OCIAD1: variants seen among roughly 807,000 people sequenced by gnomAD.
The protein encoded by OCIAD1 is OCIA domain containing 1, also known as OCIA domain-containing protein 1.
In OCIAD1, 29 loss-of-function variants were observed where a neutral mutation model predicts 38.9. That is an observed-to-expected ratio of 0.74 (90% CI 0.55 to 1.02). OCIAD1 has a LOEUF of 1.02. Ranked by LOEUF, OCIAD1 falls within the 50% of genes least tolerant of loss-of-function variation. The pLI is 0.00. For synonymous variants in OCIAD1, 110 were observed against 92.0 expected (o/e 1.20, Z -1.12); for missense variants, 288 against 289.6 (o/e 0.99, Z 0.04).
At chr4:48,816,105 C>A (rs116221259) in intron 1 of OCIAD1, among the ~76,000 whole-genome samples, 93 of 152,314 alleles carry the variant, frequency 6.1e-4, no homozygotes, top group African/African-American at 2.2e-3. Flanking sequence ...TCATTACCTT[C>A]TTCCTGCTAG....
intron 4 of OCIAD1, 31 bp downstream of exon 4, chr4:48,842,720 A>G: frequency 8.5e-7 from 1 of 1,176,000 alleles, no homozygotes; most frequent in Non-Finnish European, 1.2e-6. Context: ...TTTATTTAGC[A>G]TTTTGGATAC....
chr4:48,812,370 G>T (rs1177405709), intron 1 of OCIAD1, among the ~76,000 whole-genome samples: 2 of 141,034 alleles, frequency 1.4e-5, no homozygotes, highest in African/African-American at 2.6e-5. Flanking sequence ...TTAAAGCCTT[G>T]ACACCAGAGG....
intron 3 of OCIAD1, among the ~76,000 whole-genome samples, chr4:48,837,504 G>T (rs1157440172): frequency 1.3e-5 from 2 of 151,880 alleles, no homozygotes; most frequent in East Asian, 3.9e-4. Flanking sequence ...TGTTGGCCAG[G>T]CTGGTCTCGA....
intron 7 of OCIAD1, chr4:48,856,048 G>A (rs562286820): frequency 3.3e-5 from 5 of 151,948 alleles, no homozygotes; most frequent in African/African-American, 1.2e-4. Context: ...GACTTTGTAA[G>A]TTAAGTAGTT....
rs531746900 is a variant in OCIAD1, at chr4:48,813,578, G to A, written c.-103+8248G>A. ...CTGAGATGGGAGGCTCACTTGAGCCGGGGAGGTGGAGGTTGCAGTGAACTG... is the reference window on the plus strand; with the variant it reads ...CTGAGATGGGAGGCTCACTTGAGCCAGGGAGGTGGAGGTTGCAGTGAACTG... On this transcript the variant is annotated intron_variant, in intron 1 of 6. Coordinates refer to the OCIAD1 transcript ENST00000504654. Among the ~76,000 whole-genome samples, 44 of 152,296 alleles carry A rather than the reference G, an allele frequency of 2.9e-4. 1 individual carries two copies. The highest frequency in any genetic ancestry group is 1.7e-3 in the Admixed American group (26 of 15,294).
chr4:48,833,628 A>C, intron 3 of OCIAD1, 147 bp downstream of exon 3: 1 of 573,102 alleles, frequency 1.7e-6, no homozygotes, highest in East Asian at 2.9e-5. Flanking sequence ...AAAGAGATTA[A>C]GGAGATAAAG....
intron 3 of OCIAD1, among the ~76,000 whole-genome samples, chr4:48,842,187 T>A (rs1214341674): frequency 1.3e-5 from 2 of 152,238 alleles, no homozygotes; most frequent in Non-Finnish European, 2.9e-5. Context: ...ATAAAAAGTA[T>A]AATAAATGAG....
rs1358225598 is a variant in OCIAD1, at chr4:48,819,797, TAAA to T, written c.-102-10775_-102-10773del. On this transcript the variant is annotated intron_variant, in intron 1 of 6. Coordinates refer to the OCIAD1 transcript ENST00000504654. ...AAAACAGACTTTAAACCAACAAAGA[TAAA>T]AAAAGACAAAGAAGGGCATTACATT... Among the ~76,000 whole-genome samples the T allele has an allele frequency of 7.1e-5, 5 of 70,100 alleles. No homozygotes were observed. The East Asian group carries it at 1.7e-3, about 24-fold the overall frequency. 46.0% of individuals were successfully genotyped at this position (70,100 alleles called of 152,430 possible). A position where few individuals can be genotyped will look rare whatever the true frequency, so the allele number is the denominator to read the frequency against.
Position 48,861,339 on chromosome 4 carries a change from TAAAG to T in OCIAD1, c.*578_*581del, listed in dbSNP as rs1560447240. On this transcript the variant is annotated 3_prime_UTR_variant, in exon 9 of 9. Transcript: ENST00000264312. The stretch of plus-strand genomic sequence containing the variant: ...GTTATAATCATGTAGGTATAGGAAA[TAAAG>T]TCATCTATAATATTTCTATAATATG... 2.0e-5 allele frequency: 3 copies of T among 152,174 alleles called. No individual in the cohort carries two copies. The highest frequency in any genetic ancestry group is 7.2e-5 in the African/African-American group (3 of 41,412). 9.4% of individuals were successfully genotyped at this position (152,174 alleles called of 1,614,324 possible).
chr4:48,823,247 G>C (rs1455312355), intron 1 of OCIAD1, among the ~76,000 whole-genome samples: 1 of 152,164 alleles, frequency 6.6e-6, no homozygotes, highest in Non-Finnish European at 1.5e-5. Flanking sequence ...GCAGGTACAT[G>C]GTTGAAGCTG....
intron 2 of OCIAD1, 51 bp downstream of exon 2, chr4:48,832,733 A>AT: frequency 1.5e-6 from 2 of 1,354,792 alleles, no homozygotes; most frequent in Non-Finnish European, 2.1e-6. Context: ...ATGTAAAGGA[A>AT]TTTTCACTGC....
chr4:48,821,717 T>C (rs1777196628), intron 1 of OCIAD1, among the ~76,000 whole-genome samples: 2 of 152,182 alleles, frequency 1.3e-5, no homozygotes, highest in African/African-American at 2.4e-5. Flanking sequence ...AAAATCAATG[T>C]GCAAAAATCA....
chr4:48,853,032 A>G (rs1269497214), intron 7 of OCIAD1, among the ~76,000 whole-genome samples: 1 of 151,572 alleles, frequency 6.6e-6, no homozygotes, highest in East Asian at 1.9e-4. Context: ...GGTGCCCGCC[A>G]CCACGCTCGG....
At chr4:48,824,633 T>A (rs1777230576) in intron 1 of OCIAD1, among the ~76,000 whole-genome samples, 1 of 152,114 alleles carries the variant, frequency 6.6e-6, no homozygotes, top group African/African-American at 2.4e-5. Context: ...GCGATCCTCC[T>A]GCCTTGGCCA....
chr4:48,805,677 C>G (rs1164555541), intron 1 of OCIAD1, among the ~76,000 whole-genome samples: 1 of 150,304 alleles, frequency 6.7e-6, no homozygotes, highest in South Asian at 2.1e-4. Flanking sequence ...GAGCAAGACC[C>G]CCATCTCTTA....
chr4:48,857,843 C>T (rs1780210005), intron 8 of OCIAD1, among the ~76,000 whole-genome samples: 1 of 152,056 alleles, frequency 6.6e-6, no homozygotes, highest in South Asian at 2.1e-4. Context: ...TTCCAAAGGC[C>T]ATTTTGTGTT....
intron 6 of OCIAD1, among the ~76,000 whole-genome samples, chr4:48,851,390 T>A (rs1376616108): frequency 6.6e-6 from 1 of 152,232 alleles, no homozygotes; most frequent in East Asian, 1.9e-4. Context: ...AATAACTGCG[T>A]TAAAAATTAT....
At chr4:48,827,070 G>T (rs1290396844), upstream of OCIAD1, among the ~76,000 whole-genome samples, 1 of 152,068 alleles carries the variant, frequency 6.6e-6, no homozygotes, top group South Asian at 2.1e-4. Flanking sequence ...AGATAGTCTG[G>T]TGAACTAATA....
rs554411744 is a variant in OCIAD1 at position 48,838,823 on chromosome 4, C to G, written c.140-3813C>G. Among the ~76,000 whole-genome samples, 34 of 152,276 alleles carry G rather than the reference C, an allele frequency of 2.2e-4. No homozygotes were observed. In the South Asian group the frequency reaches 6.8e-3, roughly 31 times the overall value. ...GACTTGTTGATCTAGGGACCATTCTCTTTCCTTAAGATAACTATGTTTCTA... is the reference window on the plus strand; with the variant it reads ...GACTTGTTGATCTAGGGACCATTCTGTTTCCTTAAGATAACTATGTTTCTA... On this transcript the variant is annotated intron_variant, in intron 3 of 8. Coordinates refer to ENST00000264312, the MANE Select transcript of OCIAD1 (RefSeq NM_017830.4).
Sources: gnomAD v4.1 joint callset for allele counts (sites outside exome capture counted in the v4.1 genomes callset) on GRCh38, gnomAD v4.1.1 for gene constraint, MANE v1.5 for transcripts, NCBI Gene and HGNC (gene_info 2026-07-23, HGNC 2026-07-21) for gene names.